ALDH9A1: variants seen among roughly 807,000 people sequenced by gnomAD.
ALDH9A1 encodes aldehyde dehydrogenase 9 family member A1.
Under a neutral mutation model 56.6 loss-of-function variants are expected in ALDH9A1, and 42 were observed. The observed-to-expected ratio is 0.74, with a 90% CI of 0.58 to 0.96. The LOEUF (loss-of-function observed/expected upper bound fraction) is 0.96, where lower values mean the gene tolerates loss of function less well. Among genes scored for constraint, ALDH9A1 ranks in the 40% least tolerant of loss-of-function variants. The pLI is 0.00. For synonymous variants in ALDH9A1, 242 were observed against 236.0 expected (o/e 1.03, Z -0.23); for missense variants, 661 against 651.5 (o/e 1.01, Z -0.16).
intron 10 of ALDH9A1, among the ~76,000 whole-genome samples, chr1:165,664,009 A>G (rs144677872): frequency 6.6e-6 from 1 of 152,342 alleles, no homozygotes; most frequent in East Asian, 1.9e-4. Context: ...ATTCCAAACA[A>G]ATAATTCCCT....
rs1469261676 is a variant in ALDH9A1 at position 165,683,071 on chromosome 1, T to G, written c.367A>C (p.Asn123His). 7 of 1,613,944 alleles carry G rather than the reference T, an allele frequency of 4.3e-6. No individual in the cohort carries two copies. The highest frequency in any genetic ancestry group is 5.9e-6 in the Non-Finnish European group (7 of 1,179,972). ...CGGGCCTCAAAGATGGACTTGCCAT[T>G]GTTGATGCACTCCATAGTAGCAATT... ...DEIATMECIN[N>H]GKSIFEARLD... The change falls in exon 3 of 11, where the codon AAT becomes CAT. Residue 123 changes from asparagine (N) to histidine (H), a missense_variant. Transcript: ENST00000354775.
intron 6 of ALDH9A1, chr1:165,671,811 G>C (rs1281094433): frequency 3.4e-5 from 8 of 231,886 alleles, no homozygotes; most frequent in Non-Finnish European, 6.9e-5. Flanking sequence ...TCCTTTTAGA[G>C]AGGGATTTGG....
At chr1:165,687,022 A>G (rs1649730768) in intron 2 of ALDH9A1, among the ~76,000 whole-genome samples, 1 of 152,190 alleles carries the variant, frequency 6.6e-6, no homozygotes, top group African/African-American at 2.4e-5. Context: ...AAAAGACCCA[A>G]ATTAATCTAG....
At chr1:165,679,367 A>T (rs1186784426) in intron 6 of ALDH9A1, 75 bp downstream of exon 6, 4 of 1,527,336 alleles carry the variant, frequency 2.6e-6, no homozygotes, top group Non-Finnish European at 1.8e-6. Context: ...ATTGTAAAAC[A>T]AAAAGCTTTA....
intron 2 of ALDH9A1, 132 bp downstream of exon 2, chr1:165,695,120 G>T: frequency 9.9e-7 from 1 of 1,011,704 alleles, no homozygotes. Flanking sequence ...ATACTAAGGT[G>T]AGCATGTGGA....
chr1:165,695,234 A>G lies in ALDH9A1; in HGVS notation c.327+18T>C, dbSNP rs2101760253. ...AGAGCAATGTCTGAGTTCTGGAAGG[A>G]AATAAATTGGAACATACCCTTATTA... is the stretch of plus-strand genomic sequence containing the variant. On this transcript the variant is annotated intron_variant, in intron 2 of 10. Transcript: ENST00000354775. 6.3e-7 allele frequency: 1 copy of G among 1,584,196 alleles called. No homozygotes were observed.
intron 9 of ALDH9A1, among the ~76,000 whole-genome samples, chr1:165,666,207 G>T (rs1649001143): frequency 6.6e-6 from 1 of 152,142 alleles, no homozygotes; most frequent in African/African-American, 2.4e-5. Flanking sequence ...CAAATCCATG[G>T]AGATAGAAAG....
At chr1:165,697,480 C>A (rs1354475161) in intron 1 of ALDH9A1, among the ~76,000 whole-genome samples, 1 of 152,302 alleles carries the variant, frequency 6.6e-6, no homozygotes, top group East Asian at 1.9e-4. Context: ...AATTATACTT[C>A]AATAAAGCTG....
intron 6 of ALDH9A1, chr1:165,676,478 C>T: frequency 7.3e-6 from 2 of 272,626 alleles, no homozygotes; most frequent in Non-Finnish European, 1.4e-5. Context: ...AAAAGCATTA[C>T]CTGGGAAAAA....
chr1:165,672,351 A>T lies in ALDH9A1; in HGVS notation c.931-2901T>A, dbSNP rs73014514. Among the ~76,000 whole-genome samples, 1,230 of 152,336 alleles carry T rather than the reference A, an allele frequency of 8.1e-3. 17 individuals carry two copies. The highest frequency in any genetic ancestry group is 0.028 in the African/African-American group (1,180 of 41,568). ...TTAAAAAGGAAAGAAATTTTGACAC[A>T]TGCTACAACATGGATGAACCTGAAG... is the stretch of plus-strand genomic sequence containing the variant. On this transcript the variant is annotated intron_variant, in intron 6 of 10. Coordinates refer to ENST00000354775, the MANE Select transcript of ALDH9A1 (RefSeq NM_000696.4).
intron 2 of ALDH9A1, among the ~76,000 whole-genome samples, chr1:165,690,585 G>T (rs1649857035): frequency 6.6e-6 from 1 of 152,098 alleles, no homozygotes; most frequent in Non-Finnish European, 1.5e-5. Context: ...AAGCACAAGG[G>T]GTCAGGGAAT....
At chr1:165,674,650 C>A (rs1161553235) in intron 6 of ALDH9A1, among the ~76,000 whole-genome samples, 8 of 141,720 alleles carry the variant, frequency 5.6e-5, no homozygotes, top group Admixed American at 5.2e-4. Flanking sequence ...CGTGCCATTG[C>A]ACTCCAGCCT....
intron 2 of ALDH9A1, 141 bp from the exon 3 acceptor site, chr1:165,683,251 T>C (rs1649608975): frequency 2.2e-6 from 2 of 907,038 alleles, no homozygotes; most frequent in Middle Eastern, 2.5e-4. Flanking sequence ...CAGTGTTACA[T>C]TTAGAAGAGA....
At chr1:165,683,674 T>C (rs1204355651) in intron 2 of ALDH9A1, among the ~76,000 whole-genome samples, 4 of 152,226 alleles carry the variant, frequency 2.6e-5, no homozygotes, top group Admixed American at 2.6e-4. Flanking sequence ...ACCCAAAGAA[T>C]TGCAGCATAT....
chr1:165,694,322 C>G (rs1649994112), intron 2 of ALDH9A1, among the ~76,000 whole-genome samples: 1 of 152,008 alleles, frequency 6.6e-6, no homozygotes, highest in Non-Finnish European at 1.5e-5. Context: ...TTGTTTCCGT[C>G]AAGTTTCAAA....
Position 165,682,980 on chromosome 1 carries a change from C to A in ALDH9A1, c.457+1G>T. ...GTCACAGACACCAGGTGAGGACTTA[C>A]CAGCCATGGATGCAGCCAAGCCCGC... On this transcript the variant is annotated splice_donor_variant, in intron 3 of 10. Transcript: ENST00000354775. LOFTEE classifies it high-confidence loss of function. The A allele has an allele frequency of 6.2e-7, 1 of 1,613,704 alleles. No individual in the cohort carries two copies. The highest frequency in any genetic ancestry group is 8.5e-7 in the Non-Finnish European group (1 of 1,179,814).
At chr1:165,676,586 CACATTA>C in intron 6 of ALDH9A1, 1 of 273,440 alleles carries the variant, frequency 3.7e-6, no homozygotes, top group South Asian at 4.4e-5. Context: ...GCACATTGAG[CACATTA>C]AGCGCTCTAA....
chr1:165,664,527 G>T (rs1021161239), intron 10 of ALDH9A1, among the ~76,000 whole-genome samples: 1 of 152,166 alleles, frequency 6.6e-6, no homozygotes, highest in Non-Finnish European at 1.5e-5. Context: ...TAATGAAAAC[G>T]ATTATAATTG....
Position 165,698,543 on chromosome 1 carries a change from C to T in ALDH9A1, c.16G>A (p.Gly6Ser), listed in dbSNP as rs1453194989. The change falls in exon 1 of 11, where the codon GGC (glycine) becomes AGC (serine). Residue 6 changes from glycine to serine, a missense_variant. Transcript: ENST00000354775. MFLRA[G>S]LAALSPLLRS... ...AGAAGCGGGGAGAGCGCGGCCAGGC[C>T]TGCTCGGAGAAACATGAGTGGCGGA... is the stretch of plus-strand genomic sequence containing the variant. 1.2e-6 allele frequency: 2 copies of T among 1,608,222 alleles called. No homozygotes were observed. Among genetic ancestry groups the T allele is most frequent in the Admixed American group, 1.7e-5 (1 of 59,510 alleles).
Sources: allele counts gnomAD v4.1 joint callset (sites outside exome capture counted in the v4.1 genomes callset), GRCh38; gene constraint gnomAD v4.1.1; transcripts MANE v1.5; gene names NCBI Gene and HGNC (gene_info 2026-07-23, HGNC 2026-07-21).